Variants in IMMP2L observed in about 807,000 individuals in gnomAD.
IMMP2L encodes the protein inner mitochondrial membrane peptidase subunit 2.
In IMMP2L, 18 loss-of-function variants were observed where a neutral mutation model predicts 19.3. The observed-to-expected ratio is 0.93, with a 90% CI of 0.64 to 1.38. IMMP2L has a LOEUF of 1.38. Ranked by LOEUF, IMMP2L falls within the 40% of genes most tolerant of loss-of-function variation. The pLI is 0.00. For missense variants in IMMP2L, 233 were observed against 218.2 expected (o/e 1.07, Z -0.43); for synonymous variants, 76 against 73.0 (o/e 1.04, Z -0.21).
chr7:110,827,024 A>C (rs1034639356), intron 5 of IMMP2L, among the ~76,000 whole-genome samples: 1 of 152,128 alleles, frequency 6.6e-6, no homozygotes, highest in African/African-American at 2.4e-5. Flanking sequence ...AGACACCAGG[A>C]GTTGTCCCAC....
chr7:111,417,783 T>G (rs1835092779), intron 3 of IMMP2L, among the ~76,000 whole-genome samples: 1 of 151,870 alleles, frequency 6.6e-6, no homozygotes, highest in Non-Finnish European at 1.5e-5. Context: ...AGGAATAGAG[T>G]TGATAGTGCA....
chr7:111,235,514 T>C (rs954278031), intron 3 of IMMP2L, among the ~76,000 whole-genome samples: 1 of 151,968 alleles, frequency 6.6e-6, no homozygotes, highest in South Asian at 2.1e-4. Context: ...TCTCTTTCTA[T>C]AGTTTAAAAA....
intron 3 of IMMP2L, among the ~76,000 whole-genome samples, chr7:111,161,595 T>C (rs962270571): frequency 1.3e-5 from 2 of 151,968 alleles, no homozygotes; most frequent in Non-Finnish European, 2.9e-5. Flanking sequence ...CCTTCAGTAA[T>C]GATGAATGTT....
At chr7:111,076,376 C>CTA (rs1795413458) in intron 3 of IMMP2L, among the ~76,000 whole-genome samples, 1 of 152,162 alleles carries the variant, frequency 6.6e-6, no homozygotes, top group Non-Finnish European at 1.5e-5. Context: ...AAGCTGTGAT[C>CTA]TATGGTTGGT....
At chr7:110,679,418 C>T (rs1052531100) in intron 5 of IMMP2L, among the ~76,000 whole-genome samples, 3 of 152,112 alleles carry the variant, frequency 2.0e-5, no homozygotes, top group African/African-American at 7.2e-5. Context: ...TGCTTGTTTT[C>T]CTTCTAGTAG....
At chr7:111,081,548 T>A (rs542295143) in intron 3 of IMMP2L, among the ~76,000 whole-genome samples, 36 of 152,272 alleles carry the variant, frequency 2.4e-4, no homozygotes, top group Non-Finnish European at 4.4e-4. Context: ...GGGCTATGAG[T>A]CCAAAGATCT....
intron 3 of IMMP2L, among the ~76,000 whole-genome samples, chr7:111,374,162 A>G (rs1022888858): frequency 6.6e-6 from 1 of 152,142 alleles, no homozygotes; most frequent in Non-Finnish European, 1.5e-5. Context: ...AATTGCTCAC[A>G]TGCTAAAGCT....
chr7:111,543,135 A>G (rs1413780105), intron 1 of IMMP2L, among the ~76,000 whole-genome samples: 1 of 152,198 alleles, frequency 6.6e-6, no homozygotes, highest in Non-Finnish European at 1.5e-5. Context: ...AACATTTTAC[A>G]GTATTTAAAG....
chr7:111,386,040 C>A (rs977914323), intron 3 of IMMP2L, among the ~76,000 whole-genome samples: 13 of 151,782 alleles, frequency 8.6e-5, no homozygotes, highest in African/African-American at 3.1e-4. Context: ...GCCACCACTC[C>A]CAGCTAATTT....
intron 3 of IMMP2L, among the ~76,000 whole-genome samples, chr7:111,261,103 T>C (rs1562978862): frequency 6.6e-6 from 1 of 152,078 alleles, no homozygotes; most frequent in Non-Finnish European, 1.5e-5. Flanking sequence ...TCAAGAAACT[T>C]CCATTAACTT....
chr7:110,863,233 A>G (rs1336964206), intron 5 of IMMP2L, among the ~76,000 whole-genome samples: 1 of 151,980 alleles, frequency 6.6e-6, no homozygotes, highest in Non-Finnish European at 1.5e-5. Context: ...GTTTCCTTAC[A>G]TTTTACTCAC....
At position 111,129,771 on chromosome 7, in the gene IMMP2L, C is replaced by T. The variant is rs28533798; in HGVS notation, c.240-166206G>A. On this transcript the variant is annotated intron_variant, in intron 3 of 5. Transcript: ENST00000405709. ...CTTGAGTGTTAAGAGTGACCATGGC[C>T]TAGATTTACGTTATTCTTCTAAAGG... 2.6e-5 allele frequency among the ~76,000 whole-genome samples: 4 copies of T among 152,028 alleles called. No homozygotes were observed. The South Asian group carries it at 6.2e-4, about 24-fold the overall frequency.
At chr7:111,484,872 G>A (rs553459372) in intron 3 of IMMP2L, among the ~76,000 whole-genome samples, 11 of 152,084 alleles carry the variant, frequency 7.2e-5, no homozygotes, top group Admixed American at 5.9e-4. Context: ...CTGCAGTCTC[G>A]ACCTCCCAGG....
chr7:111,037,143 T>C (rs1791431879), intron 3 of IMMP2L, among the ~76,000 whole-genome samples: 1 of 152,170 alleles, frequency 6.6e-6, no homozygotes, highest in South Asian at 2.1e-4. Context: ...GTGCTATAAC[T>C]GATTTTCTTC....
chr7:111,127,443 T>A (rs887895471), intron 3 of IMMP2L, among the ~76,000 whole-genome samples: 4 of 152,212 alleles, frequency 2.6e-5, no homozygotes, highest in Non-Finnish European at 4.4e-5. Flanking sequence ...GAAATATGCA[T>A]TCTGAATAGA....
chr7:111,257,426 C>T (rs1293291581), intron 3 of IMMP2L, among the ~76,000 whole-genome samples: 1 of 152,124 alleles, frequency 6.6e-6, no homozygotes, highest in Non-Finnish European at 1.5e-5. Flanking sequence ...TAACTCCATG[C>T]TTTCATTTAC....
chr7:111,320,300 A>G (rs944100822), intron 3 of IMMP2L, among the ~76,000 whole-genome samples: 1 of 152,082 alleles, frequency 6.6e-6, no homozygotes, highest in African/African-American at 2.4e-5. Flanking sequence ...TCAAATCAGA[A>G]GCTGAGGAGC....
chr7:111,159,781 A>T (rs553168277), intron 3 of IMMP2L, among the ~76,000 whole-genome samples: 37 of 152,250 alleles, frequency 2.4e-4, no homozygotes, highest in African/African-American at 8.9e-4. Flanking sequence ...AAAAAAGTGA[A>T]CTTTTGATAA....
intron 3 of IMMP2L, among the ~76,000 whole-genome samples, chr7:110,996,914 G>A (rs1221275439): frequency 6.6e-6 from 1 of 152,008 alleles, no homozygotes; most frequent in Non-Finnish European, 1.5e-5. Context: ...GTATGCGTTG[G>A]TGTGCATGCT....
Sources: gnomAD v4.1 joint callset for allele counts (sites outside exome capture counted in the v4.1 genomes callset) on GRCh38, gnomAD v4.1.1 for gene constraint, MANE v1.5 for transcripts, NCBI Gene and HGNC (gene_info 2026-07-23, HGNC 2026-07-21) for gene names.